Variants in PAPLN observed in about 807,000 individuals in gnomAD.
PAPLN encodes papilin.
In PAPLN, 146 loss-of-function variants were observed where a neutral mutation model predicts 159.0. The observed-to-expected ratio is 0.92, with a 90% CI of 0.80 to 1.05. PAPLN has a LOEUF of 1.05. PAPLN is among the 50% of genes least tolerant of loss of function. The pLI is 0.00. For missense variants in PAPLN, 1,720 were observed against 1,743.9 expected (o/e 0.99, Z 0.24); for synonymous variants, 734 against 702.9 (o/e 1.04, Z -0.70).
chr14:73,242,114 G>A (rs182255611), intron 2 of PAPLN, among the ~76,000 whole-genome samples: 3 of 152,378 alleles, frequency 2.0e-5, no homozygotes, highest in Admixed American at 1.3e-4. Context: ...GGCTGAAGGT[G>A]CTTTCCTTCC....
At chr14:73,240,490 C>T (rs764399069) in intron 2 of PAPLN, among the ~76,000 whole-genome samples, 10 of 151,738 alleles carry the variant, frequency 6.6e-5, no homozygotes, top group Non-Finnish European at 1.3e-4. Flanking sequence ...TCACCCAGGC[C>T]GGAGTGTACT....
At chr14:73,255,736 A>G (rs1039061430) in intron 14 of PAPLN, among the ~76,000 whole-genome samples, 1 of 151,976 alleles carries the variant, frequency 6.6e-6, no homozygotes, top group African/African-American at 2.4e-5. Context: ...CGTGATGGGG[A>G]CTCTATGAGC....
intron 23 of PAPLN, among the ~76,000 whole-genome samples, chr14:73,266,105 G>A (rs1210458179): frequency 2.0e-5 from 3 of 152,186 alleles, no homozygotes; most frequent in Non-Finnish European, 2.9e-5. Flanking sequence ...ATAGGAGGCC[G>A]AGACGGGGGT....
rs562890068 is a variant in PAPLN, at chr14:73,257,753, C to CTTTTTTTTTTTTTTTTT, written c.1628-1214_1628-1198dup. On this transcript the variant is annotated intron_variant, in intron 14 of 26. Coordinates refer to ENST00000644200, the MANE Select transcript of PAPLN (RefSeq NM_001365906.3). ...GTTTTCATTATCTAGTCTCTTTCTT[C>CTTTTTTTTTTTTTTTTT]TTTTTTTTTTTTTTTTTTTTTTTTT... Among the ~76,000 whole-genome samples the CTTTTTTTTTTTTTTTTT allele has an allele frequency of 1.5e-3, 139 of 91,254 alleles. 9 individuals are homozygous for CTTTTTTTTTTTTTTTTT. The highest frequency in any genetic ancestry group is 9.3e-3 in the East Asian group (19 of 2,054). The allele number at this position is 91,254 out of a possible 152,430, so 59.9% of individuals were successfully genotyped here. A position where few individuals can be genotyped will look rare whatever the true frequency, so the allele number is the denominator to read the frequency against.
Position 73,262,802 on chromosome 14 carries a change from C to T in PAPLN, c.2698C>T (p.Pro900Ser), listed in dbSNP as rs745691839. 1.3e-6 allele frequency: 2 copies of T among 1,493,104 alleles called. No individual in the cohort carries two copies. Among genetic ancestry groups the T allele is most frequent in the Non-Finnish European group, 1.8e-6 (2 of 1,125,964 alleles). The allele number at this position is 1,493,104 out of a possible 1,614,324, so 92.5% of individuals were successfully genotyped here. ...GLGGDAGSPAPPFHSSSYRIS... is the reference protein window; with the variant it reads ...GLGGDAGSPASPFHSSSYRIS... Reference sequence around the variant, plus strand: ...GGGTGGAGATGCCGGATCACCAGCGCCACCCTTCCACAGCTCCTCCTACAG... The same window carrying T: ...GGGTGGAGATGCCGGATCACCAGCGTCACCCTTCCACAGCTCCTCCTACAG... The change falls in exon 19 of 27, where the codon CCA becomes TCA. Residue 900 changes from proline to serine, a missense_variant. By Grantham distance (74) the Pro-to-Ser change is moderately conservative. Coordinates refer to ENST00000644200, the MANE Select transcript of PAPLN (RefSeq NM_001365906.3).
chr14:73,268,685 C>A lies in PAPLN; in HGVS notation c.3629C>A (p.Ala1210Glu). The A allele has an allele frequency of 8.1e-6, 13 of 1,613,368 alleles. No individual in the cohort carries two copies. Among genetic ancestry groups the A allele is most frequent in the Non-Finnish European group, 1.0e-5 (12 of 1,179,670 alleles). The change falls in exon 26 of 27, where the codon GCA becomes GAA. Residue 1210 changes from alanine (A) to glutamate (E), a missense_variant. By Grantham distance (107) the Ala-to-Glu change is moderately radical. Coordinates refer to ENST00000644200, the MANE Select transcript of PAPLN (RefSeq NM_001365906.3). ...TGCAGTGCCTACCAGGGGAGCCAGG[C>A]AGTCAGCCGCAGCACCGAGGTGAAG... ...YTCSAYQGSQ[A>E]VSRSTEVKVV...
intron 5 of PAPLN, among the ~76,000 whole-genome samples, chr14:73,248,072 CCT>C (rs1491540649): frequency 2.3e-5 from 1 of 43,244 alleles, no homozygotes; most frequent in African/African-American, 1.9e-4. Context: ...AGTCTCATAT[CCT>C]CTGTGTGTGT....
chr14:73,272,515 G>A lies in PAPLN; in HGVS notation c.3688G>A (p.Asp1230Asn). The A allele has an allele frequency of 6.4e-7, 1 of 1,563,544 alleles. No individual in the cohort carries two copies. The highest frequency in any genetic ancestry group is 8.7e-7 in the Non-Finnish European group (1 of 1,143,150). The part of the protein sequence containing the change: ...VSPAPTAQPR[D>N]PGRDCVDQPE... ...TGCAGCACCCACCGCCCAGCCCAGGGACCCTGGCAGGGACTGCGTCGACCA... is the reference window on the plus strand; with the variant it reads ...TGCAGCACCCACCGCCCAGCCCAGGAACCCTGGCAGGGACTGCGTCGACCA... The change falls in exon 27 of 27, where the codon GAC becomes AAC. Residue 1230 changes from aspartate (D) to asparagine (N), a missense_variant. Physicochemically the swap from Asp to Asn is conservative, Grantham distance 23. Transcript: ENST00000644200.
Position 73,245,940 on chromosome 14 carries a change from C to T in PAPLN, c.232-133C>T. ...CACAGGAGTTCGGGGGTCCGGGGGG[C>T]GGACTCCACCTCCGGCGGCTCCGAT... On this transcript the variant is annotated intron_variant, in intron 4 of 26. Transcript: ENST00000644200. This position sits in a 1 kb window ranked among gnomAD's most constrained non-coding sequence, Gnocchi z 4.2. 4.1e-6 allele frequency: 4 copies of T among 981,494 alleles called. No individual in the cohort carries two copies. Among genetic ancestry groups the T allele is most frequent in the East Asian group, 2.8e-5 (1 of 36,262 alleles). 60.8% of individuals were successfully genotyped at this position (981,494 alleles called of 1,614,324 possible). A position where few individuals can be genotyped will look rare whatever the true frequency, so the allele number is the denominator to read the frequency against.
Position 73,265,341 on chromosome 14 carries a change from C to T in PAPLN, c.3126-29C>T. The T allele has an allele frequency of 6.2e-7, 1 of 1,601,264 alleles. No homozygotes were observed. On this transcript the variant is annotated intron_variant, in intron 22 of 26. Coordinates refer to ENST00000644200, the MANE Select transcript of PAPLN (RefSeq NM_001365906.3). This position sits in a 1 kb window ranked among gnomAD's most constrained non-coding sequence, Gnocchi z 4.1. ...GTAGGCGGGGGCAACGGCAAGGGCC[C>T]CTCATGCTGTGGGCTGCTTGTTTGG...
At chr14:73,254,395 G>A (rs559404680) in intron 12 of PAPLN, 118 bp from the exon 13 acceptor site, 105 of 1,284,102 alleles carry the variant, frequency 8.2e-5, no homozygotes, top group Admixed American at 4.3e-4. Context: ...GCCTGGGAAG[G>A]ACATGGGCAG....
At chr14:73,255,108 T>A (rs142337256) in intron 14 of PAPLN, 90 bp downstream of exon 14, 17,300 of 1,485,932 alleles carry the variant, frequency 0.012, 126 homozygotes, top group Non-Finnish European at 0.014. Flanking sequence ...TCGGGGCCTC[T>A]GCCTGCACTG....
In PAPLN at chr14:73,259,368, T is replaced by A. The variant is rs750293455; in HGVS notation, c.1808T>A (p.Leu603Gln). ...CCCAGGGGCGACCAAGGCACCCACC[T>A]GTCAGCCCTGGGCCCCGCTCCCTCT... The part of the protein sequence containing the change: ...GDPRGDQGTH[L>Q]SALGPAPSLQ... The change falls in exon 16 of 27, where the codon CTG becomes CAG. Residue 603 changes from leucine to glutamine, a missense_variant. Leu to Gln is a moderately radical substitution (Grantham distance 113, BLOSUM62 -2). Coordinates refer to ENST00000644200, the MANE Select transcript of PAPLN (RefSeq NM_001365906.3). 3 of 1,612,186 alleles carry A rather than the reference T, an allele frequency of 1.9e-6. No homozygotes were observed. In the South Asian group the frequency reaches 3.3e-5, roughly 18 times the overall value.
chr14:73,260,066 C>T (rs1157534074), intron 16 of PAPLN, among the ~76,000 whole-genome samples: 1 of 152,196 alleles, frequency 6.6e-6, no homozygotes, highest in Non-Finnish European at 1.5e-5. Context: ...TGGGCCCAGA[C>T]TTTGTGGCCA....
In PAPLN at chr14:73,262,791, G is replaced by T. The variant is rs1191038102; in HGVS notation, c.2687G>T (p.Gly896Val). 4.0e-6 allele frequency: 6 copies of T among 1,497,492 alleles called. No homozygotes were observed. Among genetic ancestry groups the T allele is most frequent in the Non-Finnish European group, 8.9e-7 (1 of 1,128,268 alleles). The allele number at this position is 1,497,492 out of a possible 1,614,324, so 92.8% of individuals were successfully genotyped here. A position where few individuals can be genotyped will look rare whatever the true frequency, so the allele number is the denominator to read the frequency against. ...SRAPGLGGDAGSPAPPFHSSS... is the reference protein window; with the variant it reads ...SRAPGLGGDAVSPAPPFHSSS... The stretch of plus-strand genomic sequence containing the variant: ...GCCCCTGGACTGGGTGGAGATGCCG[G>T]ATCACCAGCGCCACCCTTCCACAGC... Residue 896 changes from glycine (G) to valine (V), a missense_variant, in exon 19 of 27, where the codon GGA (glycine) becomes GTA (valine). Physicochemically the swap from Gly to Val is moderately radical, Grantham distance 109 (BLOSUM62 -3). Coordinates refer to ENST00000644200, the MANE Select transcript of PAPLN (RefSeq NM_001365906.3).
At chr14:73,239,903 C>G in intron 2 of PAPLN, 71 bp downstream of exon 2, 1 of 1,481,274 alleles carries the variant, frequency 6.8e-7, no homozygotes, top group Non-Finnish European at 8.9e-7. Context: ...CGCGGGCCCG[C>G]AGGCAACGTC....
intron 2 of PAPLN, 26 bp downstream of exon 2, chr14:73,239,858 C>A: frequency 6.4e-7 from 1 of 1,562,988 alleles, no homozygotes; most frequent in East Asian, 2.3e-5. Context: ...CCCCGGCCCC[C>A]GGAGGAACCT....
chr14:73,256,359 C>T (rs1053645619), intron 14 of PAPLN, among the ~76,000 whole-genome samples: 31 of 151,462 alleles, frequency 2.0e-4, no homozygotes, highest in East Asian at 3.9e-4. Context: ...TGTGAAATCC[C>T]GTCTCTACTA....
At chr14:73,266,892 TC>T in intron 25 of PAPLN, 61 bp downstream of exon 25, 1 of 1,467,038 alleles carries the variant, frequency 6.8e-7, no homozygotes, top group Non-Finnish European at 9.4e-7. Context: ...GGTGTGGGTG[TC>T]CACCTTTCTG....
Sources: allele counts gnomAD v4.1 joint callset (sites outside exome capture counted in the v4.1 genomes callset), GRCh38; gene constraint gnomAD v4.1.1; non-coding constraint Gnocchi (gnomAD v3.1); transcripts MANE v1.5; gene names NCBI Gene and HGNC (gene_info 2026-07-23, HGNC 2026-07-21).